Variants in TIAM2 observed in about 807,000 individuals in gnomAD.
TIAM2 encodes the protein rho guanine nucleotide exchange factor TIAM2.
In TIAM2, 80 loss-of-function variants were observed where a neutral mutation model predicts 152.9. The ratio of observed to expected loss-of-function variants is 0.52; its 90% CI spans 0.44 to 0.63. The LOEUF is 0.63. Ranked by LOEUF, TIAM2 falls within the 30% of genes least tolerant of loss-of-function variation. The pLI is 0.00. For missense variants in TIAM2, 1,965 were observed against 2,120.1 expected (o/e 0.93, Z 1.44); for synonymous variants, 804 against 838.0 (o/e 0.96, Z 0.70).
At chr6:155,140,573 TGAGAGAGAGAGAGA>T (rs57939338) in intron 5 of TIAM2, among the ~76,000 whole-genome samples, 1,084 of 107,482 alleles carry the variant, frequency 0.01, 22 homozygotes, top group African/African-American at 0.039. Context: ...TGTGTGTGTG[TGAGAGAGAGAGAGA>T]GAGAGAGAGA....
At chr6:155,251,429 G>T (rs1283685682) in intron 22 of TIAM2, among the ~76,000 whole-genome samples, 1 of 152,158 alleles carries the variant, frequency 6.6e-6, no homozygotes, top group Non-Finnish European at 1.5e-5. Flanking sequence ...TGGGATTACA[G>T]GTGCTCGCCA....
chr6:155,005,208 G>A, intron 1 of TIAM2: 1 of 225,134 alleles, frequency 4.4e-6, no homozygotes. Context: ...CACCCTGGAG[G>A]CCTGCCTGTC....
chr6:155,063,726 G>T (rs1388663235), intron 1 of TIAM2, among the ~76,000 whole-genome samples: 1 of 142,544 alleles, frequency 7.0e-6, no homozygotes, highest in Non-Finnish European at 1.5e-5. Context: ...AGGTTTAAGT[G>T]AGCCAAGATT....
chr6:155,103,854 T>G (rs1009183281), intron 2 of TIAM2, among the ~76,000 whole-genome samples: 1 of 152,114 alleles, frequency 6.6e-6, no homozygotes, highest in Admixed American at 6.6e-5. Flanking sequence ...CTGCACAATT[T>G]TTCTTCCCTT....
chr6:155,094,822 A>T (rs1778385242), intron 2 of TIAM2, among the ~76,000 whole-genome samples: 2 of 149,776 alleles, frequency 1.3e-5, no homozygotes, highest in Admixed American at 6.7e-5. Context: ...AGCTCAAGTG[A>T]TCCGCCCGCG....
In TIAM2 at chr6:155,043,571, CTGCAGTAAGCAGCGA is replaced by C. The variant is rs1777093963; in HGVS notation, c.-208-46716_-208-46702del. Among the ~76,000 whole-genome samples, 7 of 143,670 alleles carry C rather than the reference CTGCAGTAAGCAGCGA, an allele frequency of 4.9e-5. No homozygotes were observed. In the South Asian group the frequency reaches 1.6e-3, roughly 32 times the overall value. 94.3% of individuals were successfully genotyped at this position (143,670 alleles called of 152,430 possible). ...ATTGCTTGAGCCCGGGAGTTTGAGG[CTGCAGTAAGCAGCGA>C]TTGTGCCACTGCACTCCAGCCTGGG... is the stretch of plus-strand genomic sequence containing the variant. On this transcript the variant is annotated intron_variant, in intron 1 of 26. Transcript: ENST00000682666.
At chr6:155,015,845 G>A (rs1415246009) in intron 1 of TIAM2, among the ~76,000 whole-genome samples, 1 of 148,702 alleles carries the variant, frequency 6.7e-6, no homozygotes, top group African/African-American at 2.4e-5. Flanking sequence ...GCTGAGGCAG[G>A]AGAATCTCTT....
chr6:155,249,400 G>T (rs1013308334), intron 20 of TIAM2, among the ~76,000 whole-genome samples: 1 of 152,184 alleles, frequency 6.6e-6, no homozygotes, highest in Non-Finnish European at 1.5e-5. Flanking sequence ...GCCCAGTCAG[G>T]CTTGGGTTTG....
At chr6:155,121,918 TC>T (rs534797946) in intron 2 of TIAM2, 240 of 152,514 alleles carry the variant, frequency 1.6e-3, no homozygotes, top group Non-Finnish European at 3.1e-3. Flanking sequence ...TTCCTCCTAT[TC>T]CCCTTCAGTT....
In TIAM2 at chr6:155,025,202, T is replaced by TTG. The variant is rs1296695465; in HGVS notation, c.-209+29711_-209+29712insGT. Among the ~76,000 whole-genome samples the TTG allele has an allele frequency of 1.4e-3, 208 of 150,260 alleles. 3 individuals are homozygous for TTG. The highest frequency in any genetic ancestry group is 4.8e-3 in the African/African-American group (198 of 41,048). Reference sequence around the variant, plus strand: ...GTCTGGCTAATTTTTGTATTTTTTTTTTTTTTTTTGAGACGGAGTCTCGCT... The same window carrying TTG: ...GTCTGGCTAATTTTTGTATTTTTTTTTGTTTTTTTTTGAGACGGAGTCTCGCT... On this transcript the variant is annotated intron_variant, in intron 1 of 26. Transcript: ENST00000682666.
chr6:155,206,524 T>C (rs577360402), intron 14 of TIAM2, among the ~76,000 whole-genome samples: 5 of 152,330 alleles, frequency 3.3e-5, no homozygotes, highest in Non-Finnish European at 5.9e-5. Flanking sequence ...TGTGAACCAC[T>C]GTGCCCAGCC....
Position 155,065,741 on chromosome 6 carries a change from C to A in TIAM2, c.-208-24548C>A, listed in dbSNP as rs111921973. Among the ~76,000 whole-genome samples, 13 of 152,256 alleles carry A rather than the reference C, an allele frequency of 8.5e-5. 3 individuals are homozygous for A. The highest frequency in any genetic ancestry group is 3.1e-4 in the African/African-American group (13 of 41,558). On this transcript the variant is annotated intron_variant, in intron 1 of 26. Coordinates refer to ENST00000682666, the MANE Select transcript of TIAM2 (RefSeq NM_012454.4). ...CCCAGAGTGCGCCACTGCACTCCAG[C>A]TTGGGCAACAGAATAAGACTGTCTC...
chr6:155,005,892 T>G (rs568432524), intron 1 of TIAM2, among the ~76,000 whole-genome samples: 111 of 152,278 alleles, frequency 7.3e-4, no homozygotes, highest in African/African-American at 2.5e-3. Context: ...TCAGGTGATC[T>G]GCCTGCCTCG....
rs1041753376 is a variant in TIAM2 at position 155,186,780 on chromosome 6, T to G, written c.3064+3280T>G. ...ATTTTTTAACTAAAAAAGTTAAAATTTACGGAAATCAAAAATTTAAATGAC... is the reference window on the plus strand; with the variant it reads ...ATTTTTTAACTAAAAAAGTTAAAATGTACGGAAATCAAAAATTTAAATGAC... On this transcript the variant is annotated intron_variant, in intron 14 of 26. Transcript: ENST00000682666. The surrounding 1 kb of genome is among the most constrained non-coding windows in gnomAD (Gnocchi z 4.5). Among the ~76,000 whole-genome samples, 10 of 152,206 alleles carry G rather than the reference T, an allele frequency of 6.6e-5. No homozygotes were observed. Among genetic ancestry groups the G allele is most frequent in the African/African-American group, 2.4e-4 (10 of 41,444 alleles).
intron 14 of TIAM2, among the ~76,000 whole-genome samples, chr6:155,185,097 GA>G (rs1781004716): frequency 6.9e-6 from 1 of 144,210 alleles, no homozygotes; most frequent in Non-Finnish European, 1.5e-5. Flanking sequence ...AATTCCTGTA[GA>G]AAGTAGAGAA....
At chr6:155,138,498 C>A (rs1336786726) in intron 5 of TIAM2, among the ~76,000 whole-genome samples, 2 of 151,108 alleles carry the variant, frequency 1.3e-5, no homozygotes, top group African/African-American at 2.4e-5. Context: ...AGGTTTGTTA[C>A]ATAGGTATAT....
At position 155,019,865 on chromosome 6, in the gene TIAM2, CAA is replaced by C. The variant is rs1447349603; in HGVS notation, c.-209+24374_-209+24375del. On this transcript the variant is annotated intron_variant, in intron 1 of 26. Coordinates refer to ENST00000682666, the MANE Select transcript of TIAM2 (RefSeq NM_012454.4). ...GTCAAGAGATTGAGACCATCCTGGC[CAA>C]CAAGGTAAAACCCCATCTCTACTAA... Among the ~76,000 whole-genome samples the C allele has an allele frequency of 7.2e-3, 1,093 of 152,256 alleles. 10 individuals are homozygous for C. Among genetic ancestry groups the C allele is most frequent in the African/African-American group, 0.024 (1,005 of 41,528 alleles).
intron 2 of TIAM2, among the ~76,000 whole-genome samples, chr6:155,104,743 A>C (rs1371258166): frequency 4.2e-5 from 6 of 142,562 alleles, no homozygotes; most frequent in South Asian, 2.4e-4. Context: ...GGCAACAGAG[A>C]GAGACTCTGT....
At chr6:155,020,861 A>T (rs565770145) in intron 1 of TIAM2, among the ~76,000 whole-genome samples, 1 of 152,262 alleles carries the variant, frequency 6.6e-6, no homozygotes, top group African/African-American at 2.4e-5. Flanking sequence ...TGCAGAACTG[A>T]AATTCTGTAC....
Sources: gnomAD v4.1 joint callset for allele counts (sites outside exome capture counted in the v4.1 genomes callset) on GRCh38, gnomAD v4.1.1 for gene constraint, Gnocchi (gnomAD v3.1) non-coding constraint, MANE v1.5 for transcripts, NCBI Gene and HGNC (gene_info 2026-07-23, HGNC 2026-07-21) for gene names.